The following PKIG variants were observed in gnomAD, a reference collection of about 807,000 sequenced individuals.
PKIG encodes the protein cAMP-dependent protein kinase inhibitor gamma.
A neutral mutation model predicts 6.8 loss-of-function variants in PKIG; 1 was observed. The ratio of observed to expected loss-of-function variants is 0.15; its 90% CI spans 0.05 to 0.69. The LOEUF (loss-of-function observed/expected upper bound fraction) is 0.69, where lower values mean the gene tolerates loss of function less well. Ranked by LOEUF, PKIG falls within the 30% of genes least tolerant of loss-of-function variation. The pLI, the probability that PKIG is intolerant of heterozygous loss-of-function variation, is 0.82. For synonymous variants in PKIG, 39 were observed against 43.0 expected, an observed-to-expected ratio of 0.91 and a Z score of 0.36; for missense variants, 77 against 104.0, an observed-to-expected ratio of 0.74 and a Z score of 1.13.
At position 44,566,652 on chromosome 20, in the gene PKIG, C is replaced by G. The variant is rs1444730426; in HGVS notation, c.-240-15933C>G. Among the ~76,000 whole-genome samples, 2 of 152,130 alleles carry G rather than the reference C, an allele frequency of 1.3e-5. 1 individual carries two copies. The highest frequency in any genetic ancestry group is 2.9e-5 in the Non-Finnish European group (2 of 68,020). ...CTTAAGGCCAGGGGTTCGAGACCAG[C>G]CTGGCCAACATGGCGAAATCCCGTC... On this transcript the variant is annotated intron_variant, in intron 1 of 4. Transcript: ENST00000372887.
intron 2 of PKIG, among the ~76,000 whole-genome samples, chr20:44,610,498 T>TCACACACACACACACACA (rs1379954369): frequency 3.3e-4 from 39 of 119,638 alleles, no homozygotes; most frequent in African/African-American, 1.1e-3. Context: ...TCTCTCTCTC[T>TCACACACACACACACACA]CTCACACACA....
intron 1 of PKIG, among the ~76,000 whole-genome samples, chr20:44,544,354 C>T (rs1235952282): frequency 2.6e-5 from 4 of 151,744 alleles, no homozygotes; most frequent in Non-Finnish European, 4.4e-5. Flanking sequence ...GTAGATTGGT[C>T]GAAGAGGAAT....
At chr20:44,607,789 A>G (rs2065179761) in intron 2 of PKIG, among the ~76,000 whole-genome samples, 1 of 148,480 alleles carries the variant, frequency 6.7e-6, no homozygotes, top group Non-Finnish European at 1.5e-5. Context: ...GGTTCACGCC[A>G]TTCTCCTGCC....
intron 2 of PKIG, among the ~76,000 whole-genome samples, chr20:44,606,372 T>A (rs988904881): frequency 6.6e-6 from 1 of 152,230 alleles, no homozygotes; most frequent in African/African-American, 2.4e-5. Flanking sequence ...AAAGTGCTCA[T>A]CTGATATACC....
At chr20:44,553,089 G>A (rs556841775) in intron 1 of PKIG, among the ~76,000 whole-genome samples, 5 of 152,236 alleles carry the variant, frequency 3.3e-5, no homozygotes, top group Non-Finnish European at 7.4e-5. Context: ...TCTTAACACT[G>A]ACTCACACTG....
At chr20:44,556,451 C>T (rs2064713965) in intron 1 of PKIG, among the ~76,000 whole-genome samples, 1 of 152,122 alleles carries the variant, frequency 6.6e-6, no homozygotes, top group African/African-American at 2.4e-5. Context: ...CAACCTCTGC[C>T]TCCTGGGTTC....
intron 1 of PKIG, among the ~76,000 whole-genome samples, chr20:44,557,034 A>G (rs1034471416): frequency 6.6e-6 from 1 of 151,844 alleles, no homozygotes; most frequent in African/African-American, 2.4e-5. Context: ...ATTAAAATTA[A>G]AAAGGGGGCC....
chr20:44,606,725 C>T (rs1287697102), intron 2 of PKIG, among the ~76,000 whole-genome samples: 1 of 152,238 alleles, frequency 6.6e-6, no homozygotes, highest in Non-Finnish European at 1.5e-5. Context: ...AGGAAAATCA[C>T]TTGAATCTGG....
intron 1 of PKIG, among the ~76,000 whole-genome samples, chr20:44,563,718 A>G (rs2064787153): frequency 6.6e-6 from 1 of 151,882 alleles, no homozygotes; most frequent in Non-Finnish European, 1.5e-5. Flanking sequence ...TTTTGTAGAG[A>G]TGAGGTCTTA....
intron 1 of PKIG, among the ~76,000 whole-genome samples, chr20:44,550,618 C>T (rs1034638456): frequency 6.6e-6 from 1 of 152,104 alleles, no homozygotes; most frequent in Non-Finnish European, 1.5e-5. Flanking sequence ...TGAAGCTTTC[C>T]CAGGCGTTTT....
At chr20:44,565,794 G>A (rs1023674075) in intron 1 of PKIG, among the ~76,000 whole-genome samples, 10 of 152,144 alleles carry the variant, frequency 6.6e-5, no homozygotes, top group Non-Finnish European at 1.5e-5. Context: ...ACAGAGTATT[G>A]CTCTGTCGCC....
In PKIG at chr20:44,603,534, T is replaced by C. The variant is rs139120820; in HGVS notation, c.-23-11000T>C. On this transcript the variant is annotated intron_variant, in intron 2 of 3. Coordinates refer to ENST00000372886, the MANE Select transcript of PKIG (RefSeq NM_001281445.2). ...TTCCCCTCAGAGATTTGTAATGTCA[T>C]CAGGGACTCCCAAGGGGGCAGTGTG... 1.1e-3 allele frequency among the ~76,000 whole-genome samples: 175 copies of C among 152,180 alleles called. 1 individual carries two copies. Among genetic ancestry groups the C allele is most frequent in the African/African-American group, 4.0e-3 (166 of 41,510 alleles).
In PKIG at chr20:44,572,796, G is replaced by T. The variant is rs560394793; in HGVS notation, c.-240-9789G>T. Among the ~76,000 whole-genome samples the T allele has an allele frequency of 4.6e-5, 7 of 152,256 alleles. No homozygotes were observed. In the East Asian group the frequency reaches 1.4e-3, roughly 29 times the overall value. On this transcript the variant is annotated intron_variant, in intron 1 of 4. Coordinates refer to the PKIG transcript ENST00000372887. ...CAAGGCTCTTGTGCCCAAATTTTGG[G>T]CTGCTTCTCTTGTGGGGAGAGCTTC...
intron 1 of PKIG, among the ~76,000 whole-genome samples, chr20:44,544,858 T>C (rs550350828): frequency 1.3e-5 from 2 of 152,132 alleles, no homozygotes; most frequent in Admixed American, 1.3e-4. Context: ...TGGAGAAAAT[T>C]GCAGTTTTTA....
chr20:44,581,878 C>A (rs1600870584), upstream of PKIG, among the ~76,000 whole-genome samples: 2 of 152,296 alleles, frequency 1.3e-5, no homozygotes, highest in South Asian at 2.1e-4. Flanking sequence ...ATAAGTTCCC[C>A]AGTCACTGAT....
rs182561860 is a variant in PKIG, at chr20:44,614,917, T to G, written c.151+210T>G. On this transcript the variant is annotated intron_variant, in intron 3 of 3. Coordinates refer to ENST00000372886, the MANE Select transcript of PKIG (RefSeq NM_001281445.2). This position sits in a 1 kb window ranked among gnomAD's most constrained non-coding sequence, Gnocchi z 4.6. ...CCCCAAGGACTCCTCTGGACAGGCATCCGGGACTCTTCCTGTCCCCCTGCC... is the reference window on the plus strand; with the variant it reads ...CCCCAAGGACTCCTCTGGACAGGCAGCCGGGACTCTTCCTGTCCCCCTGCC... 7 of 575,066 alleles carry G rather than the reference T, an allele frequency of 1.2e-5. No individual in the cohort carries two copies. Among genetic ancestry groups the G allele is most frequent in the South Asian group, 8.2e-5 (4 of 48,488 alleles). 35.6% of individuals were successfully genotyped at this position (575,066 alleles called of 1,614,324 possible).
At chr20:44,538,973 G>A (rs1348901433) in intron 1 of PKIG, among the ~76,000 whole-genome samples, 1 of 151,148 alleles carries the variant, frequency 6.6e-6, no homozygotes, top group Non-Finnish European at 1.5e-5. Context: ...TGCCCAGGCT[G>A]GAATGCAGTG....
intron 2 of PKIG, among the ~76,000 whole-genome samples, chr20:44,612,350 A>G (rs1488899390): frequency 6.7e-6 from 1 of 148,664 alleles, no homozygotes; most frequent in African/African-American, 2.5e-5. Context: ...AACATTGGGC[A>G]TTTGCCTGAG....
chr20:44,539,339 G>A (rs972748567), intron 1 of PKIG, among the ~76,000 whole-genome samples: 2 of 152,036 alleles, frequency 1.3e-5, no homozygotes, highest in Non-Finnish European at 2.9e-5. Context: ...AATCAAGCTT[G>A]TCCAATCCGC....
Sources: gnomAD v4.1 joint callset for allele counts (sites outside exome capture counted in the v4.1 genomes callset) on GRCh38, gnomAD v4.1.1 for gene constraint, Gnocchi (gnomAD v3.1) non-coding constraint, MANE v1.5 for transcripts, NCBI Gene and HGNC (gene_info 2026-07-23, HGNC 2026-07-21) for gene names.